Variants in GNAQ observed in about 807,000 individuals in gnomAD.
The protein encoded by GNAQ is G protein subunit alpha q.
GNAQ carries 8 observed loss-of-function variants against 43.9 expected under a neutral mutation model. That is an observed-to-expected ratio of 0.18 (90% CI 0.11 to 0.33). The LOEUF (loss-of-function observed/expected upper bound fraction) is 0.33, where lower values mean the gene tolerates loss of function less well. Ranked by LOEUF, GNAQ falls within the 10% of genes least tolerant of loss-of-function variation. The probability of loss-of-function intolerance (pLI) is 1.00; values close to 1 mark genes in which losing one functional copy is unlikely to be tolerated. For synonymous variants in GNAQ, 155 were observed against 170.7 expected (o/e 0.91, Z 0.71); for missense variants, 158 against 450.8 (o/e 0.35, Z 5.88).
At chr9:77,928,925 G>A (rs1829107784) in intron 1 of GNAQ, among the ~76,000 whole-genome samples, 1 of 152,122 alleles carries the variant, frequency 6.6e-6, no homozygotes. Flanking sequence ...GGCTGAGGCA[G>A]GAGAATCACT....
rs562365410 is a variant in GNAQ at position 77,732,303 on chromosome 9, C to T, written c.736-3636G>A. Reference sequence around the variant, plus strand: ...GCAGTCTGGGGGGTGGTGGTAATCACGCCCTCTTTTTGGGGTTTTGACCAG... The same window carrying T: ...GCAGTCTGGGGGGTGGTGGTAATCATGCCCTCTTTTTGGGGTTTTGACCAG... On this transcript the variant is annotated intron_variant, in intron 5 of 6. Coordinates refer to ENST00000286548, the MANE Select transcript of GNAQ (RefSeq NM_002072.5). Among the ~76,000 whole-genome samples the T allele has an allele frequency of 9.9e-5, 15 of 152,164 alleles. No individual in the cohort carries two copies. In the South Asian group the frequency reaches 2.9e-3, roughly 30 times the overall value.
At chr9:78,017,378 C>A (rs1369616571) in intron 1 of GNAQ, among the ~76,000 whole-genome samples, 1 of 152,142 alleles carries the variant, frequency 6.6e-6, no homozygotes, top group Non-Finnish European at 1.5e-5. Context: ...CACTAAACAG[C>A]CATAAATATG....
At chr9:77,965,860 G>C (rs1400784415) in intron 1 of GNAQ, among the ~76,000 whole-genome samples, 1 of 148,858 alleles carries the variant, frequency 6.7e-6, no homozygotes. Context: ...AAAAAGGCAC[G>C]TATCTATCAA....
intron 1 of GNAQ, among the ~76,000 whole-genome samples, chr9:78,030,887 CTGTG>C (rs35071779): frequency 0.024 from 3,545 of 146,056 alleles, 60 homozygotes; most frequent in Admixed American, 0.046. Flanking sequence ...GTGTGTGTCG[CTGTG>C]TGTGTGTGTG....
chr9:77,727,934 C>T (rs1337323433), intron 6 of GNAQ, among the ~76,000 whole-genome samples: 1 of 152,152 alleles, frequency 6.6e-6, no homozygotes, highest in Non-Finnish European at 1.5e-5. Context: ...AGAGTTAATA[C>T]ACAATTGGTC....
At chr9:77,909,966 C>T (rs762676882) in intron 2 of GNAQ, among the ~76,000 whole-genome samples, 4 of 152,128 alleles carry the variant, frequency 2.6e-5, no homozygotes, top group Non-Finnish European at 5.9e-5. Context: ...TTTGGATATA[C>T]ATGCTTGTAC....
rs569045402 is a variant in GNAQ, at chr9:77,926,672, A to C, written c.137-4327T>G. Among the ~76,000 whole-genome samples the C allele has an allele frequency of 2.0e-5, 3 of 152,326 alleles. No homozygotes were observed. The South Asian group carries it at 6.2e-4, about 32-fold the overall frequency. On this transcript the variant is annotated intron_variant, in intron 1 of 6. Transcript: ENST00000286548. The stretch of plus-strand genomic sequence containing the variant: ...ATTTAATAACTTTAACAAGCAAATG[A>C]ACACACACAAGGGTGTGAGTCCCAG...
At chr9:77,743,813 T>C (rs1825691338) in intron 5 of GNAQ, among the ~76,000 whole-genome samples, 2 of 152,180 alleles carry the variant, frequency 1.3e-5, no homozygotes, top group Non-Finnish European at 1.5e-5. Context: ...TCCTTAAGGT[T>C]TGAATAAGTG....
At chr9:77,728,973 CTG>C (rs1355757792) in intron 5 of GNAQ, among the ~76,000 whole-genome samples, 1 of 152,170 alleles carries the variant, frequency 6.6e-6, no homozygotes, top group Non-Finnish European at 1.5e-5. Flanking sequence ...ATCTGGAACA[CTG>C]TCATAAATTC....
intron 2 of GNAQ, among the ~76,000 whole-genome samples, chr9:77,874,401 T>C (rs1217491162): frequency 6.6e-6 from 1 of 152,164 alleles, no homozygotes; most frequent in Non-Finnish European, 1.5e-5. Flanking sequence ...CCTCCTCATA[T>C]CTCCCATCCC....
At chr9:78,016,756 A>G (rs1823844230) in intron 1 of GNAQ, among the ~76,000 whole-genome samples, 1 of 152,172 alleles carries the variant, frequency 6.6e-6, no homozygotes, top group African/African-American at 2.4e-5. Flanking sequence ...TGATAAGTTC[A>G]GGCATCTGTT....
intron 5 of GNAQ, among the ~76,000 whole-genome samples, chr9:77,733,043 C>T (rs578027501): frequency 8.1e-4 from 124 of 152,266 alleles, no homozygotes; most frequent in African/African-American, 2.8e-3. Context: ...CTAGACCACA[C>T]TGATAGGTAA....
chr9:77,890,432 T>C (rs7857435), intron 2 of GNAQ, among the ~76,000 whole-genome samples: 115,350 of 152,136 alleles, frequency 0.76, 44,015 homozygotes, highest in African/African-American at 0.82. Context: ...GTCATAAAAC[T>C]GCATTGCAAG....
chr9:78,000,268 C>T (rs1317721405), intron 1 of GNAQ, among the ~76,000 whole-genome samples: 1 of 152,130 alleles, frequency 6.6e-6, no homozygotes, highest in Non-Finnish European at 1.5e-5. Flanking sequence ...AAATGTTATG[C>T]CAGCAGAACC....
intron 1 of GNAQ, among the ~76,000 whole-genome samples, chr9:77,923,687 A>G (rs1829029320): frequency 6.6e-6 from 1 of 152,150 alleles, no homozygotes; most frequent in South Asian, 2.1e-4. Flanking sequence ...GATATTAAAG[A>G]CGGAATAATA....
At chr9:77,871,407 G>A (rs977902611) in intron 2 of GNAQ, among the ~76,000 whole-genome samples, 2 of 152,148 alleles carry the variant, frequency 1.3e-5, no homozygotes, top group African/African-American at 4.8e-5. Flanking sequence ...ATTAAATACA[G>A]AGCTGAGAAA....
chr9:77,960,719 A>G (rs1823097169), intron 1 of GNAQ, among the ~76,000 whole-genome samples: 1 of 152,232 alleles, frequency 6.6e-6, no homozygotes, highest in South Asian at 2.1e-4. Flanking sequence ...TTTACAAAAG[A>G]TGGGAAAAAC....
chr9:77,719,612 T>A lies in GNAQ; in HGVS notation c.*1711A>T, dbSNP rs1332654084. The A allele has an allele frequency of 1.7e-5, 4 of 232,704 alleles. No homozygotes were observed. Among genetic ancestry groups the A allele is most frequent in the Non-Finnish European group, 2.5e-5 (3 of 117,810 alleles). 14.4% of individuals were successfully genotyped at this position (232,704 alleles called of 1,614,324 possible). A position where few individuals can be genotyped will look rare whatever the true frequency, so the allele number is the denominator to read the frequency against. On this transcript the variant is annotated 3_prime_UTR_variant, in exon 7 of 7. Transcript: ENST00000286548. ...ACACTAGTGCCAAATACCACTGTAGTTAAAATGAGACCAGTATCATGGCCT... is the reference window on the plus strand; with the variant it reads ...ACACTAGTGCCAAATACCACTGTAGATAAAATGAGACCAGTATCATGGCCT...
intron 5 of GNAQ, among the ~76,000 whole-genome samples, chr9:77,748,612 G>C (rs760516933): frequency 7.2e-5 from 11 of 152,160 alleles, no homozygotes; most frequent in Non-Finnish European, 1.2e-4. Flanking sequence ...TGTAATTCTA[G>C]GGTTGGGGCA....
Sources: gnomAD v4.1 joint callset for allele counts (sites outside exome capture counted in the v4.1 genomes callset) on GRCh38, gnomAD v4.1.1 for gene constraint, MANE v1.5 for transcripts, NCBI Gene and HGNC (gene_info 2026-07-23, HGNC 2026-07-21) for gene names.